TRAF7: variants seen among roughly 807,000 people sequenced by gnomAD.
TRAF7 encodes TNF receptor associated factor 7.
TRAF7 carries 45 observed loss-of-function variants against 89.3 expected under a neutral mutation model. The ratio of observed to expected loss-of-function variants is 0.50; its 90% CI spans 0.40 to 0.65. TRAF7 has a LOEUF of 0.65. TRAF7 is among the 30% of genes least tolerant of loss of function. The pLI, the probability that TRAF7 is intolerant of heterozygous loss-of-function variation, is 0.00. For missense variants in TRAF7, 677 were observed against 918.1 expected, an observed-to-expected ratio of 0.74 and a Z score of 3.39; for synonymous variants, 406 against 369.2, an observed-to-expected ratio of 1.10 and a Z score of -1.14.
rs368690290 is a variant in TRAF7 at position 2,162,418 on chromosome 16, C to T, written c.-38-1465C>T. On this transcript the variant is annotated intron_variant, in intron 1 of 20. Coordinates refer to ENST00000326181, the MANE Select transcript of TRAF7 (RefSeq NM_032271.3). The surrounding 1 kb of genome is among the most constrained non-coding windows in gnomAD (Gnocchi z 5.0). Reference sequence around the variant, plus strand: ...TGGCATCTTGAAGGCGCATGCAGGGCGGGCATGGCCAAAGGGACCCAGTCA... The same window carrying T: ...TGGCATCTTGAAGGCGCATGCAGGGTGGGCATGGCCAAAGGGACCCAGTCA... Among the ~76,000 whole-genome samples the T allele has an allele frequency of 1.3e-5, 2 of 152,088 alleles. No individual in the cohort carries two copies. Among genetic ancestry groups the T allele is most frequent in the South Asian group, 2.1e-4 (1 of 4,834 alleles).
chr16:2,175,077 C>T (rs1400734610), intron 14 of TRAF7, 34 bp from the exon 15 acceptor site: 1 of 1,613,680 alleles, frequency 6.2e-7, no homozygotes, highest in Non-Finnish European at 8.5e-7. Flanking sequence ...GACACAGCTT[C>T]TCCCACCTTG....
chr16:2,174,350 G>A lies in TRAF7; in HGVS notation c.1346+17G>A, dbSNP rs1256976498. On this transcript the variant is annotated intron_variant, in intron 14 of 20. Transcript: ENST00000326181. Reference sequence around the variant, plus strand: ...CATCCAGGGGTGAGTCCAGGCACATGTGTGATCAGTGATTCCCAGGACAGG... The same window carrying A: ...CATCCAGGGGTGAGTCCAGGCACATATGTGATCAGTGATTCCCAGGACAGG... 2 of 1,605,544 alleles carry A rather than the reference G, an allele frequency of 1.2e-6. No homozygotes were observed. Among genetic ancestry groups the A allele is most frequent in the African/African-American group, 2.7e-5 (2 of 74,960 alleles).
At chr16:2,155,955 G>A (rs2093031554) in intron 1 of TRAF7, 97 bp downstream of exon 1, 1 of 146,240 alleles carries the variant, frequency 6.8e-6, no homozygotes, top group Admixed American at 6.7e-5. Flanking sequence ...GAGGCGAGGC[G>A]AGGCGAGGGG....
rs1421897321 is a variant in TRAF7 at position 2,159,623 on chromosome 16, G to A, written c.-39+3765G>A. 3.3e-5 allele frequency among the ~76,000 whole-genome samples: 5 copies of A among 152,140 alleles called. No homozygotes were observed. Among genetic ancestry groups the A allele is most frequent in the African/African-American group, 9.7e-5 (4 of 41,424 alleles). On this transcript the variant is annotated intron_variant, in intron 1 of 20. Transcript: ENST00000326181. This position sits in a 1 kb window ranked among gnomAD's most constrained non-coding sequence, Gnocchi z 6.5. ...CAGGCTCTGTGATGCCAGGGGCCAC[G>A]CTCGGAGCTCTGGCCGCAGTCCAGC...
At position 2,176,258 on chromosome 16, in the gene TRAF7, C is replaced by A; in HGVS notation, c.1879-7C>A. On this transcript the variant is annotated splice_region_variant and splice_polypyrimidine_tract_variant and intron_variant, in intron 19 of 20. Coordinates refer to ENST00000326181, the MANE Select transcript of TRAF7 (RefSeq NM_032271.3). Reference sequence around the variant, plus strand: ...CCGGCGGGCCCTCACGTCCCATGTGCCCCCAGGTCTGGAGTATGGACAACA... The same window carrying A: ...CCGGCGGGCCCTCACGTCCCATGTGACCCCAGGTCTGGAGTATGGACAACA... 1 of 1,600,936 alleles carries A rather than the reference C, an allele frequency of 6.2e-7. No homozygotes were observed. The highest frequency in any genetic ancestry group is 8.5e-7 in the Non-Finnish European group (1 of 1,179,264).
chr16:2,175,740 G>T (rs1186115785), intron 17 of TRAF7, 94 bp from the exon 18 acceptor site: 14 of 1,589,560 alleles, frequency 8.8e-6, no homozygotes, highest in Admixed American at 1.7e-5. Context: ...GGCTGGGTGG[G>T]TGGGCTGCCC....
At chr16:2,171,233 G>A (rs375900956) in intron 5 of TRAF7, 31 bp from the exon 6 acceptor site, 91 of 1,527,384 alleles carry the variant, frequency 6.0e-5, no homozygotes, top group African/African-American at 5.6e-4. Flanking sequence ...GTGGCCTCCC[G>A]CCATCGCCTG....
At position 2,171,274 on chromosome 16, in the gene TRAF7, T is replaced by C; in HGVS notation, c.359T>C (p.Val120Ala). ...PEEEEEPEPL[V>A]FAEQPSVKLC... ...CCCGCTTGGTTCCAGGAGCCACTGG[T>C]GTTTGCGGAGCAGCCCTCGGTGAAG... The change falls in exon 6 of 21, where the codon GTG becomes GCG. Residue 120 changes from valine (V) to alanine (A), a missense_variant. Physicochemically the swap from Val to Ala is moderately conservative, Grantham distance 64. This residue lies in a region of TRAF7 where 240 missense variants were observed against 191.9 expected (regional missense o/e 1.25). Coordinates refer to ENST00000326181, the MANE Select transcript of TRAF7 (RefSeq NM_032271.3). The C allele has an allele frequency of 6.5e-7, 1 of 1,549,916 alleles. No individual in the cohort carries two copies. The highest frequency in any genetic ancestry group is 8.7e-7 in the Non-Finnish European group (1 of 1,147,750).
rs1271632743 is a variant in TRAF7 at position 2,163,192 on chromosome 16, C to T, written c.-38-691C>T. 6.6e-6 allele frequency among the ~76,000 whole-genome samples: 1 copy of T among 152,162 alleles called. No individual in the cohort carries two copies. The highest frequency in any genetic ancestry group is 2.4e-5 in the African/African-American group (1 of 41,430). On this transcript the variant is annotated intron_variant, in intron 1 of 20. Transcript: ENST00000326181. This position sits in a 1 kb window ranked among gnomAD's most constrained non-coding sequence, Gnocchi z 4.3. ...AGGGTGATTCCCGCATGCCTTCTCC[C>T]TGCCCCCCCACCCACCAGCCCCTGA... is the stretch of plus-strand genomic sequence containing the variant.
rs2093067590 is a variant in TRAF7, at chr16:2,163,968, C to T, written c.48C>T (p.Pro16=). 6.2e-7 allele frequency: 1 copy of T among 1,612,860 alleles called. No homozygotes were observed. Among genetic ancestry groups the T allele is most frequent in the Admixed American group, 1.7e-5 (1 of 59,938 alleles). ...SARYNRFSGG[P]SNLPTPDVTT... Reference sequence around the variant, plus strand: ...GCTACAACCGCTTCTCCGGGGGGCCCAGCAATCTTCCCACCCCAGACGTCA... The same window carrying T: ...GCTACAACCGCTTCTCCGGGGGGCCTAGCAATCTTCCCACCCCAGACGTCA... Residue 16 remains proline (P), a synonymous_variant, in exon 2 of 21, where the codon CCC becomes CCT. Coordinates refer to ENST00000326181, the MANE Select transcript of TRAF7 (RefSeq NM_032271.3). This position sits in a 1 kb window ranked among gnomAD's most constrained non-coding sequence, Gnocchi z 4.3.
In TRAF7 at chr16:2,161,144, A is replaced by G. The variant is rs1348042387; in HGVS notation, c.-38-2739A>G. Reference sequence around the variant, plus strand: ...GAACACTGAACCCGAGTGAACTGGGAAGCAGCCTCCTGTGCAGAGTATCCC... The same window carrying G: ...GAACACTGAACCCGAGTGAACTGGGGAGCAGCCTCCTGTGCAGAGTATCCC... On this transcript the variant is annotated intron_variant, in intron 1 of 20. Transcript: ENST00000326181. The surrounding 1 kb of genome is among the most constrained non-coding windows in gnomAD (Gnocchi z 5.2). Among the ~76,000 whole-genome samples, 1 of 151,650 alleles carries G rather than the reference A, an allele frequency of 6.6e-6. No individual in the cohort carries two copies. The highest frequency in any genetic ancestry group is 2.4e-5 in the African/African-American group (1 of 41,226).
intron 3 of TRAF7, 96 bp downstream of exon 3, chr16:2,166,032 G>A: frequency 6.6e-7 from 1 of 1,504,896 alleles, no homozygotes; most frequent in Non-Finnish European, 9.1e-7. Flanking sequence ...CCGGTGAGCT[G>A]GTGTTGGGTG....
At chr16:2,160,565 G>GAC in intron 1 of TRAF7, among the ~76,000 whole-genome samples, 1 of 135,396 alleles carries the variant, frequency 7.4e-6, no homozygotes, top group African/African-American at 3.2e-5. Context: ...GGGCGGTGTG[G>GAC]GTGGGCGGGC....
chr16:2,174,997 C>T, intron 14 of TRAF7, 114 bp from the exon 15 acceptor site: 1 of 1,323,792 alleles, frequency 7.6e-7, no homozygotes, highest in Non-Finnish European at 1.1e-6. Context: ...GTGGCCTTGG[C>T]CCTGGGCCAT....
chr16:2,176,485 G>A (rs1412896404), intron 20 of TRAF7, 75 bp from the exon 21 acceptor site: 5 of 1,613,032 alleles, frequency 3.1e-6, no homozygotes, highest in Non-Finnish European at 4.2e-6. Flanking sequence ...TGGAGGGCAG[G>A]TACGTGTGGC....
In TRAF7 at chr16:2,172,219, G is replaced by C. The variant is rs1357523895; in HGVS notation, c.504G>C (p.Leu168=). The change falls in exon 8 of 21, where the codon CTG becomes CTC. Residue 168 remains leucine, a synonymous_variant. Transcript: ENST00000326181. ...AGTGTCCCGTGGACAACGTCAAACT[G>C]ACCGTGGTGGTGAACAACATCGCGG... is the stretch of plus-strand genomic sequence containing the variant. ...SEKCPVDNVK[L]TVVVNNIAVA... 6.2e-7 allele frequency: 1 copy of C among 1,613,064 alleles called. No homozygotes were observed. The highest frequency in any genetic ancestry group is 2.2e-5 in the East Asian group (1 of 44,872).
chr16:2,173,721 A>C, intron 11 of TRAF7, 67 bp from the exon 12 acceptor site: 1 of 1,597,794 alleles, frequency 6.3e-7, no homozygotes, highest in South Asian at 1.1e-5. Flanking sequence ...CAGCAGGGGC[A>C]GAGAGGCTGC....
chr16:2,164,129 G>A (rs914279109), intron 2 of TRAF7, 128 bp downstream of exon 2: 2 of 733,776 alleles, frequency 2.7e-6, no homozygotes, highest in African/African-American at 1.8e-5. Flanking sequence ...AGCTCGGTGG[G>A]GGGGGGTGTG....
chr16:2,173,254 G>C lies in TRAF7; in HGVS notation c.867G>C (p.Glu289Asp). 1 of 1,613,410 alleles carries C rather than the reference G, an allele frequency of 6.2e-7. No homozygotes were observed. Among genetic ancestry groups the C allele is most frequent in the Non-Finnish European group, 8.5e-7 (1 of 1,179,976 alleles). The change falls in exon 10 of 21, where the codon GAG becomes GAC. Residue 289 changes from glutamate to aspartate, a missense_variant. Glu to Asp is a conservative substitution (Grantham distance 45, BLOSUM62 2). This residue lies in a region of TRAF7 where 238 missense variants were observed against 352.6 expected (regional missense o/e 0.67). Coordinates refer to ENST00000326181, the MANE Select transcript of TRAF7 (RefSeq NM_032271.3). ...LETCRFEGLK[E>D]FLQQTDDRFH... Reference sequence around the variant, plus strand: ...CTTGCCGCTTCGAGGGCCTGAAGGAGTTTCTGCAGCAGACGGATGACCGCT... The same window carrying C: ...CTTGCCGCTTCGAGGGCCTGAAGGACTTTCTGCAGCAGACGGATGACCGCT...
Sources: allele counts gnomAD v4.1 joint callset (sites outside exome capture counted in the v4.1 genomes callset), GRCh38; gene constraint gnomAD v4.1.1; regional missense constraint gnomAD v4.1.1; non-coding constraint Gnocchi (gnomAD v3.1); transcripts MANE v1.5; gene names NCBI Gene and HGNC (gene_info 2026-07-23, HGNC 2026-07-21).